COL6A6: variants seen among roughly 807,000 people sequenced by gnomAD.
COL6A6 encodes collagen type VI alpha 6 chain, also known as collagen alpha-6(VI) chain.
In COL6A6, 183 loss-of-function variants were observed where a neutral mutation model predicts 208.6. That is an observed-to-expected ratio of 0.88 (90% CI 0.78 to 0.99). The LOEUF (loss-of-function observed/expected upper bound fraction) is 0.99, where lower values mean the gene tolerates loss of function less well. COL6A6 is among the 50% of genes least tolerant of loss of function. COL6A6 has a pLI of 0.00. For synonymous variants in COL6A6, 973 were observed against 1,011.8 expected, an observed-to-expected ratio of 0.96 and a Z score of 0.73; for missense variants, 2,816 against 2,815.2, an observed-to-expected ratio of 1.00 and a Z score of -0.01.
rs373758970 is a variant in COL6A6 at position 130,571,263 on chromosome 3, T to C, written c.2847T>C (p.Asp949=). Residue 949 remains aspartate (D), a synonymous_variant, in exon 7 of 37, where the codon GAT becomes GAC. Transcript: ENST00000358511. ...TTCTTGTCCTGGCTGTGGGGATTGATGGTGCCAATCCCGTGGAGCTGTTAG... is the reference window on the plus strand; with the variant it reads ...TTCTTGTCCTGGCTGTGGGGATTGACGGTGCCAATCCCGTGGAGCTGTTAG... The part of the protein sequence containing the change: ...KGILVLAVGI[D]GANPVELLAM... 6.2e-6 allele frequency: 10 copies of C among 1,614,034 alleles called. No individual in the cohort carries two copies. The highest frequency in any genetic ancestry group is 1.3e-5 in the African/African-American group (1 of 75,076).
rs769751742 is a variant in COL6A6, at chr3:130,519,203, T to C, written c.-32+1806T>C. On this transcript the variant is annotated intron_variant, in intron 1 of 36. Coordinates refer to ENST00000358511, the MANE Select transcript of COL6A6 (RefSeq NM_001102608.3). ...CCAAATGAAGATCAGGTTGTAAAAA[T>C]TATGAATAAAAATTGGTGCCTTATT... Among the ~76,000 whole-genome samples the C allele has an allele frequency of 4.7e-4, 71 of 152,242 alleles. No individual in the cohort carries two copies. The Middle Eastern group carries it at 0.01, about 22-fold the overall frequency.
rs1683644791 is a variant in COL6A6, at chr3:130,574,021, G to T, written c.3043G>T (p.Asp1015Tyr). The T allele has an allele frequency of 1.9e-6, 3 of 1,613,718 alleles. No homozygotes were observed. The highest frequency in any genetic ancestry group is 1.1e-5 in the South Asian group (1 of 91,032). Residue 1015 changes from aspartate to tyrosine, a missense_variant, in exon 8 of 37, where the codon GAC becomes TAC. Transcript: ENST00000358511. ...TGGTTCAACTAGCATTCAGCCAAATGACTTCAAGAAAATGAAGGAATTTCT... is the reference window on the plus strand; with the variant it reads ...TGGTTCAACTAGCATTCAGCCAAATTACTTCAAGAAAATGAAGGAATTTCT... ...MDGSTSIQPN[D>Y]FKKMKEFLAS...
At chr3:130,601,243 A>G (rs1419838718) in intron 20 of COL6A6, among the ~76,000 whole-genome samples, 1 of 151,250 alleles carries the variant, frequency 6.6e-6, no homozygotes, top group Non-Finnish European at 1.5e-5. Flanking sequence ...AAGCACAAGT[A>G]GAAACTACTT....
chr3:130,594,124 T>C (rs369846251), intron 17 of COL6A6, among the ~76,000 whole-genome samples, 157 bp from the exon 18 acceptor site: 4 of 152,218 alleles, frequency 2.6e-5, no homozygotes, highest in East Asian at 3.8e-4. Context: ...ATATGGTGCT[T>C]GAAACTAATT....
intron 36 of COL6A6, among the ~76,000 whole-genome samples, chr3:130,667,085 TAAAC>T (rs977784084): frequency 4.6e-5 from 7 of 152,198 alleles, no homozygotes; most frequent in African/African-American, 1.2e-4. Flanking sequence ...AATTTAGACT[TAAAC>T]AATAGTTTAC....
intron 26 of COL6A6, among the ~76,000 whole-genome samples, chr3:130,627,819 A>T (rs79735710): frequency 1.3e-5 from 2 of 152,212 alleles, no homozygotes; most frequent in Non-Finnish European, 2.9e-5. Flanking sequence ...GAGTAATTTG[A>T]TATTGTCACT....
chr3:130,580,567 T>C (rs1175893170), intron 8 of COL6A6, among the ~76,000 whole-genome samples: 1 of 152,254 alleles, frequency 6.6e-6, no homozygotes, highest in East Asian at 1.9e-4. Context: ...ATCTTAAACA[T>C]TGCTGATCTA....
intron 20 of COL6A6, among the ~76,000 whole-genome samples, chr3:130,603,527 C>T (rs1290210366): frequency 6.6e-6 from 1 of 152,016 alleles, no homozygotes; most frequent in African/African-American, 2.4e-5. Context: ...TGTGGTAGTT[C>T]TGTGGGGGAG....
At chr3:130,636,653 T>G (rs898612772) in intron 28 of COL6A6, among the ~76,000 whole-genome samples, 28 of 151,998 alleles carry the variant, frequency 1.8e-4, no homozygotes, top group African/African-American at 6.5e-4. Flanking sequence ...TTCTACAAAC[T>G]ATACGATCTT....
intron 10 of COL6A6, among the ~76,000 whole-genome samples, chr3:130,583,288 G>A (rs953543025): frequency 2.0e-5 from 3 of 151,836 alleles, no homozygotes; most frequent in African/African-American, 4.8e-5. Flanking sequence ...ATTCTCTCTG[G>A]TCTTGGCCTT....
chr3:130,612,384 A>G (rs1253670099), intron 23 of COL6A6, among the ~76,000 whole-genome samples: 1 of 152,206 alleles, frequency 6.6e-6, no homozygotes, highest in Non-Finnish European at 1.5e-5. Flanking sequence ...GAACTAATGT[A>G]CAGTCCCACC....
intron 23 of COL6A6, among the ~76,000 whole-genome samples, chr3:130,620,545 A>T (rs891467909): frequency 6.6e-6 from 1 of 152,180 alleles, no homozygotes; most frequent in Non-Finnish European, 1.5e-5. Flanking sequence ...TGAAAGTTAG[A>T]AGGGAATGGG....
chr3:130,578,727 A>G, intron 8 of COL6A6, among the ~76,000 whole-genome samples: 1 of 152,196 alleles, frequency 6.6e-6, no homozygotes, highest in East Asian at 1.9e-4. Context: ...CTGCTGGGGA[A>G]ATCAGAAACA....
intron 33 of COL6A6, among the ~76,000 whole-genome samples, chr3:130,657,687 A>G (rs2065830739): frequency 6.6e-6 from 1 of 152,196 alleles, no homozygotes; most frequent in African/African-American, 2.4e-5. Context: ...CCTCAGGCCA[A>G]ATGTACTTTA....
At chr3:130,626,645 C>T in intron 25 of COL6A6, 98 bp downstream of exon 25, 1 of 830,100 alleles carries the variant, frequency 1.2e-6, no homozygotes, top group Non-Finnish European at 2.1e-6. Context: ...AGGATACAAT[C>T]CTCATGAAGT....
intron 3 of COL6A6, among the ~76,000 whole-genome samples, chr3:130,564,099 C>G (rs777915164): frequency 5.9e-5 from 9 of 152,222 alleles, no homozygotes; most frequent in Non-Finnish European, 1.0e-4. Flanking sequence ...CCAGATCCCC[C>G]TGTTTTTTTG....
At chr3:130,536,479 T>C (rs1307031427) in intron 1 of COL6A6, among the ~76,000 whole-genome samples, 3 of 152,220 alleles carry the variant, frequency 2.0e-5, no homozygotes, top group African/African-American at 7.2e-5. Flanking sequence ...CACAATAGAT[T>C]CGCTGACGAA....
intron 1 of COL6A6, among the ~76,000 whole-genome samples, chr3:130,555,236 G>A (rs1450965936): frequency 6.6e-6 from 1 of 152,110 alleles, no homozygotes; most frequent in Non-Finnish European, 1.5e-5. Flanking sequence ...ATGCTTCCAG[G>A]ATTCCAGAAG....
intron 36 of COL6A6, among the ~76,000 whole-genome samples, chr3:130,672,981 C>G (rs2066257946): frequency 6.9e-6 from 1 of 145,888 alleles, no homozygotes; most frequent in Non-Finnish European, 1.5e-5. Flanking sequence ...ACTGCACCTC[C>G]AGCCTGGCAA....
Sources: allele counts gnomAD v4.1 joint callset (sites outside exome capture counted in the v4.1 genomes callset), GRCh38; gene constraint gnomAD v4.1.1; transcripts MANE v1.5; gene names NCBI Gene and HGNC (gene_info 2026-07-23, HGNC 2026-07-21).